TCF20: variants seen among roughly 807,000 people sequenced by gnomAD.
TCF20 encodes SPRE-binding protein.
In TCF20, 3 loss-of-function variants were observed where a neutral mutation model predicts 148.6. The observed-to-expected ratio is 0.02, with a 90% CI of 0.01 to 0.05. TCF20 has a LOEUF of 0.05. Ranked by LOEUF, TCF20 falls within the 10% of genes least tolerant of loss-of-function variation. TCF20 has a pLI of 1.00. For missense variants in TCF20, 2,350 were observed against 2,429.3 expected (o/e 0.97, Z 0.69); for synonymous variants, 1,049 against 909.5 (o/e 1.15, Z -2.76).
chr22:42,222,630 T>A (rs1922482526), intron 1 of TCF20, among the ~76,000 whole-genome samples: 1 of 152,070 alleles, frequency 6.6e-6, no homozygotes, highest in Admixed American at 6.6e-5. Context: ...CTTTTAAGCA[T>A]CCCCAGGCCC....
chr22:42,252,160 AC>A (rs1167436826), intron 1 of TCF20, among the ~76,000 whole-genome samples: 1 of 151,384 alleles, frequency 6.6e-6, no homozygotes, highest in Non-Finnish European at 1.5e-5. Context: ...GGTGGCACGC[AC>A]CTATAATCCC....
At chr22:42,169,753 G>T in intron 4 of TCF20, 94 bp downstream of exon 4, 1 of 1,303,764 alleles carries the variant, frequency 7.7e-7, no homozygotes, top group Non-Finnish European at 1.1e-6. Flanking sequence ...GGACAGGTGT[G>T]GGTGAGGCCC....
intron 1 of TCF20, among the ~76,000 whole-genome samples, chr22:42,258,674 CTTT>C (rs1027628120): frequency 2.0e-5 from 3 of 152,178 alleles, no homozygotes; most frequent in African/African-American, 7.2e-5. Flanking sequence ...AAATGCAACA[CTTT>C]TATTATAAAA....
Position 42,212,975 on chromosome 22 carries a change from C to T in TCF20, c.2331G>A (p.Gly777=), listed in dbSNP as rs749365005. ...TGGTTCCTTCTAGGCTACCAGCCATCCCCTGATGCTCTTGAGTACTCCTAG... is the reference window on the plus strand; with the variant it reads ...TGGTTCCTTCTAGGCTACCAGCCATTCCCTGATGCTCTTGAGTACTCCTAG... ...RYSRSTQEHQ[G]MAGSLEGTTR... Residue 777 remains glycine, a synonymous_variant, in exon 2 of 6, where the codon GGG becomes GGA. Coordinates refer to ENST00000677622, the MANE Select transcript of TCF20 (RefSeq NM_001378418.1). 10 of 1,614,028 alleles carry T rather than the reference C, an allele frequency of 6.2e-6. No individual in the cohort carries two copies. The highest frequency in any genetic ancestry group is 8.5e-6 in the Non-Finnish European group (10 of 1,180,032).
intron 1 of TCF20, among the ~76,000 whole-genome samples, chr22:42,260,354 G>C (rs1925963293): frequency 1.3e-5 from 2 of 152,180 alleles, no homozygotes; most frequent in Non-Finnish European, 2.9e-5. Flanking sequence ...GACCACTGGA[G>C]CATTTTAGGA....
chr22:42,303,837 C>CAGGG (rs992289982), intron 1 of TCF20, among the ~76,000 whole-genome samples: 1 of 133,954 alleles, frequency 7.5e-6, no homozygotes, highest in Non-Finnish European at 1.6e-5. Flanking sequence ...GAGCTAGGGA[C>CAGGG]AGGGAGGGAG....
intron 1 of TCF20, among the ~76,000 whole-genome samples, chr22:42,231,444 T>C (rs1006056501): frequency 6.6e-6 from 1 of 152,098 alleles, no homozygotes; most frequent in Non-Finnish European, 1.5e-5. Context: ...ACTGTGCCAC[T>C]GCACTCCAGC....
chr22:42,197,469 C>A (rs1397984002), intron 2 of TCF20, among the ~76,000 whole-genome samples: 1 of 151,988 alleles, frequency 6.6e-6, no homozygotes, highest in African/African-American at 2.4e-5. Flanking sequence ...ACTACAGGTG[C>A]CCGCCACCAC....
intron 2 of TCF20, among the ~76,000 whole-genome samples, chr22:42,196,457 A>G (rs1937603598): frequency 1.3e-5 from 2 of 152,340 alleles, no homozygotes; most frequent in South Asian, 4.1e-4. Context: ...TATTACTTCA[A>G]TAAAGAACCC....
At position 42,299,598 on chromosome 22, in the gene TCF20, C is replaced by A. The variant is rs2147032712; in HGVS notation, c.-37+43881G>T. Among the ~76,000 whole-genome samples, 1 of 152,288 alleles carries A rather than the reference C, an allele frequency of 6.6e-6. No individual in the cohort carries two copies. The highest frequency in any genetic ancestry group is 2.1e-4 in the South Asian group (1 of 4,832). On this transcript the variant is annotated intron_variant, in intron 1 of 1. Coordinates refer to the TCF20 transcript ENST00000515426. This position sits in a 1 kb window ranked among gnomAD's most constrained non-coding sequence, Gnocchi z 4.1. ...CCCACTGGTCACCAGTCCCTCTTGC[C>A]TTTCTGTCCCAGCTAGCAGCTCTCC...
At position 42,160,662 on chromosome 22, in the gene TCF20, A is replaced by G. The variant is rs979293330; in HGVS notation, c.*741T>C. 8 of 152,524 alleles carry G rather than the reference A, an allele frequency of 5.2e-5. No homozygotes were observed. The highest frequency in any genetic ancestry group is 1.4e-4 in the African/African-American group (6 of 41,426). The allele number at this position is 152,524 out of a possible 1,614,324, so 9.4% of individuals were successfully genotyped here. A position where few individuals can be genotyped will look rare whatever the true frequency, so the allele number is the denominator to read the frequency against. On this transcript the variant is annotated 3_prime_UTR_variant, in exon 6 of 6. Coordinates refer to ENST00000677622, the MANE Select transcript of TCF20 (RefSeq NM_001378418.1). The stretch of plus-strand genomic sequence containing the variant: ...AATTAAAAAAAAAAAACCATAAATA[A>G]ATAGTGTTTCTGGAAATGAAAAAAA...
chr22:42,272,762 G>GT (rs1926670822), upstream of TCF20, among the ~76,000 whole-genome samples: 1 of 152,220 alleles, frequency 6.6e-6, no homozygotes, highest in Admixed American at 6.5e-5. Context: ...AAAAGAACGT[G>GT]TATGGGCATC....
rs149533146 is a variant in TCF20, at chr22:42,213,865, G to T, written c.1441C>A (p.Pro481Thr). The T allele has an allele frequency of 6.2e-7, 1 of 1,614,188 alleles. No homozygotes were observed. The highest frequency in any genetic ancestry group is 1.1e-5 in the South Asian group (1 of 91,092). ...QHMLLSDALT[P>T]QKKTSKRPSS... ...GGCCTCTTGGAGGTCTTCTTCTGAG[G>T]AGTCAGGGCATCAGAAAGTAACATG... is the stretch of plus-strand genomic sequence containing the variant. The change falls in exon 2 of 6, where the codon CCT (proline) becomes ACT (threonine). Residue 481 changes from proline to threonine, a missense_variant. This residue lies in a region of TCF20 where 1,641 missense variants were observed against 1,662.6 expected (regional missense o/e 0.99). Coordinates refer to ENST00000677622, the MANE Select transcript of TCF20 (RefSeq NM_001378418.1).
chr22:42,256,311 T>C (rs134870), intron 1 of TCF20, among the ~76,000 whole-genome samples: 69,077 of 152,146 alleles, frequency 0.45, 16,638 homozygotes, highest in South Asian at 0.58. Flanking sequence ...TGTGTGTGTG[T>C]GCCTAGCATG....
intron 1 of TCF20, among the ~76,000 whole-genome samples, chr22:42,298,251 G>A: frequency 6.6e-6 from 1 of 152,222 alleles, no homozygotes; most frequent in South Asian, 2.1e-4. Flanking sequence ...TGGAGCAGGG[G>A]ATGAGTGAGG....
At chr22:42,260,331 G>A (rs1057175771) in intron 1 of TCF20, among the ~76,000 whole-genome samples, 5 of 152,300 alleles carry the variant, frequency 3.3e-5, no homozygotes, top group Admixed American at 2.6e-4. Context: ...GCCACCATAT[G>A]AAAGCAATGA....
intron 3 of TCF20, among the ~76,000 whole-genome samples, chr22:42,177,845 C>T (rs191484428): frequency 5.1e-4 from 77 of 152,088 alleles, no homozygotes; most frequent in Admixed American, 1.5e-3. Flanking sequence ...GATCCTGGTT[C>T]CTGACATGGA....
In TCF20 at chr22:42,299,889, G is replaced by C. The variant is rs1036999059; in HGVS notation, c.-37+43590C>G. On this transcript the variant is annotated intron_variant, in intron 1 of 1. Transcript: ENST00000515426. The surrounding 1 kb of genome is among the most constrained non-coding windows in gnomAD (Gnocchi z 4.1). ...GGGAAAAGACAGAAAGGGGTAGAAG[G>C]GAAGCTTGGAGCGGGTGGAGGAGGA... Among the ~76,000 whole-genome samples, 3 of 149,202 alleles carry C rather than the reference G, an allele frequency of 2.0e-5. No homozygotes were observed. The highest frequency in any genetic ancestry group is 2.0e-4 in the Admixed American group (3 of 14,932).
intron 1 of TCF20, among the ~76,000 whole-genome samples, chr22:42,281,830 C>G (rs1240893924): frequency 6.6e-6 from 1 of 152,200 alleles, no homozygotes. Context: ...CCTCTGAGCT[C>G]TAGGAACAGG....
Sources: gnomAD v4.1 joint callset for allele counts (sites outside exome capture counted in the v4.1 genomes callset) on GRCh38, gnomAD v4.1.1 for gene constraint, gnomAD v4.1.1 regional missense constraint, Gnocchi (gnomAD v3.1) non-coding constraint, MANE v1.5 for transcripts, NCBI Gene and HGNC (gene_info 2026-07-23, HGNC 2026-07-21) for gene names.